Variants in LHCGR observed in about 807,000 individuals in gnomAD.
The protein encoded by LHCGR is lutropin-choriogonadotropic hormone receptor.
LHCGR carries 55 observed loss-of-function variants against 60.7 expected under a neutral mutation model. The observed-to-expected ratio is 0.91, with a 90% confidence interval of 0.73 to 1.13. The LOEUF (loss-of-function observed/expected upper bound fraction) is 1.13. LHCGR is among the 50% of genes most tolerant of loss of function. The pLI is 0.00. For synonymous variants in LHCGR, 337 were observed against 316.5 expected (o/e 1.06, Z -0.69); for missense variants, 862 against 836.0 (o/e 1.03, Z -0.38).
intron 9 of LHCGR, 63 bp from the exon 10 acceptor site, chr2:48,694,367 G>T: frequency 2.1e-6 from 2 of 973,328 alleles, no homozygotes; most frequent in Non-Finnish European, 3.2e-6. Context: ...ACCTGACTGT[G>T]CGTCTATTTA....
At chr2:48,727,292 G>T (rs1486939816) in intron 3 of LHCGR, among the ~76,000 whole-genome samples, 2 of 152,074 alleles carry the variant, frequency 1.3e-5, no homozygotes, top group African/African-American at 4.8e-5. Flanking sequence ...TTTAATAAAA[G>T]AATTTTGGGG....
chr2:48,722,875 C>T (rs893705357), intron 6 of LHCGR, among the ~76,000 whole-genome samples: 1 of 152,122 alleles, frequency 6.6e-6, no homozygotes, highest in Non-Finnish European at 1.5e-5. Context: ...CCTTAGGAAA[C>T]ACCATGAAAG....
Position 48,736,400 on chromosome 2 carries a change from A to G in LHCGR, c.162-5102T>C, listed in dbSNP as rs1282642207. Among the ~76,000 whole-genome samples, 3 of 152,252 alleles carry G rather than the reference A, an allele frequency of 2.0e-5. No individual in the cohort carries two copies. In the East Asian group the frequency reaches 5.8e-4, roughly 29 times the overall value. On this transcript the variant is annotated intron_variant, in intron 1 of 10. Transcript: ENST00000294954. ...TTGATCCCCTTCCCAGCCAAATCCA[A>G]TTGCCAAGCACTCAGTGCAGCTGTG...
At chr2:48,719,060 C>T (rs1050025478) in intron 6 of LHCGR, among the ~76,000 whole-genome samples, 1 of 152,172 alleles carries the variant, frequency 6.6e-6, no homozygotes, top group Admixed American at 6.5e-5. Context: ...TGGTGGCTCA[C>T]GCCTGTAATC....
chr2:48,733,066 G>A, intron 1 of LHCGR: 1 of 471,150 alleles, frequency 2.1e-6, no homozygotes. Context: ...ATTGCTCTCT[G>A]CACTGCCAAA....
rs1680049003 is a variant in LHCGR at position 48,688,904 on chromosome 2, T to A, written c.948-55A>T. The A allele has an allele frequency of 1.3e-6, 2 of 1,522,682 alleles. No homozygotes were observed. Among genetic ancestry groups the A allele is most frequent in the Non-Finnish European group, 1.8e-6 (2 of 1,100,506 alleles). 94.3% of individuals were successfully genotyped at this position (1,522,682 alleles called of 1,614,324 possible). On this transcript the variant is annotated intron_variant, in intron 10 of 10. Transcript: ENST00000294954. This position sits in a 1 kb window ranked among gnomAD's most constrained non-coding sequence, Gnocchi z 5.2. The stretch of plus-strand genomic sequence containing the variant: ...GGGATTTTCTCTGAGTATTAAAAAA[T>A]TCAAGAATTATGTTTCTTTAAAGGC...
chr2:48,723,466 A>G lies in LHCGR; in HGVS notation c.526T>C (p.Ser176Pro), dbSNP rs201392798. Residue 176 changes from serine to proline, a missense_variant, in exon 6 of 11, where the codon TCT becomes CCT. Coordinates refer to ENST00000294954, the MANE Select transcript of LHCGR (RefSeq NM_000233.4). ...GNAFQGMNNE[S>P]VTLKLYGNGF... ...TGGGAGTTTACTCACAGTGTTACAG[A>G]TTCATTATTCATCCCTTGAAAAGCA... is the stretch of plus-strand genomic sequence containing the variant. 2.1e-5 allele frequency: 33 copies of G among 1,608,224 alleles called. No individual in the cohort carries two copies. Among genetic ancestry groups the G allele is most frequent in the South Asian group, 5.5e-5 (5 of 90,942 alleles).
At chr2:48,701,839 ATGAAC>A (rs1471002777) in intron 8 of LHCGR, among the ~76,000 whole-genome samples, 3 of 152,232 alleles carry the variant, frequency 2.0e-5, no homozygotes, top group African/African-American at 7.2e-5. Context: ...AAACAAACAA[ATGAAC>A]TGGGTTACCC....
At chr2:48,747,645 G>A (rs760191597) in intron 1 of LHCGR, among the ~76,000 whole-genome samples, 3 of 152,166 alleles carry the variant, frequency 2.0e-5, no homozygotes, top group Non-Finnish European at 4.4e-5. Context: ...GAGAGGAGTC[G>A]TTTTTGGAAC....
At chr2:48,691,615 G>T (rs946905078) in intron 10 of LHCGR, among the ~76,000 whole-genome samples, 11 of 152,162 alleles carry the variant, frequency 7.2e-5, no homozygotes, top group Non-Finnish European at 1.5e-4. Flanking sequence ...GGAGGCTGAG[G>T]CTGGCAGATC....
intron 1 of LHCGR, among the ~76,000 whole-genome samples, chr2:48,746,709 GT>G (rs1387272432): frequency 6.6e-6 from 1 of 152,210 alleles, no homozygotes; most frequent in Non-Finnish European, 1.5e-5. Context: ...GAGGAAAATG[GT>G]AAGTATATCT....
At chr2:48,741,084 G>T (rs1669429265) in intron 1 of LHCGR, among the ~76,000 whole-genome samples, 1 of 152,100 alleles carries the variant, frequency 6.6e-6, no homozygotes. Flanking sequence ...TGGAAGAAAG[G>T]GTATCAGCGA....
chr2:48,729,239 AG>A lies in LHCGR; in HGVS notation c.234-13del, dbSNP rs1390213130. The A allele has an allele frequency of 1.9e-6, 3 of 1,584,656 alleles. No homozygotes were observed. Among genetic ancestry groups the A allele is most frequent in the Non-Finnish European group, 2.6e-6 (3 of 1,156,660 alleles). ...TCTGAGAGATTTCACTAGGGAAGAGAGGAGGGGGAAAAAGAGAAAGAAACAT... is the reference window on the plus strand; with the variant it reads ...TCTGAGAGATTTCACTAGGGAAGAGAGAGGGGGAAAAAGAGAAAGAAACAT... On this transcript the variant is annotated splice_polypyrimidine_tract_variant and intron_variant, in intron 2 of 10. Coordinates refer to ENST00000294954, the MANE Select transcript of LHCGR (RefSeq NM_000233.4).
rs1680006482 is a variant in LHCGR, at chr2:48,688,242, C to A, written c.1555G>T (p.Val519Leu). 1 of 1,614,030 alleles carries A rather than the reference C, an allele frequency of 6.2e-7. No individual in the cohort carries two copies. Among genetic ancestry groups the A allele is most frequent in the South Asian group, 1.1e-5 (1 of 91,092 alleles). ...MKVSICFPMD[V>L]ETTLSQVYIL... ...TAGACTTGTGAGAGAGTGGTTTCCA[C>A]ATCCATGGGGAAGCAAATACTGACC... Residue 519 changes from valine to leucine, a missense_variant, in exon 11 of 11, where the codon GTG becomes TTG. Coordinates refer to ENST00000294954, the MANE Select transcript of LHCGR (RefSeq NM_000233.4). The surrounding 1 kb of genome is among the most constrained non-coding windows in gnomAD (Gnocchi z 5.2).
chr2:48,696,536 T>C (rs1572821890), intron 9 of LHCGR, among the ~76,000 whole-genome samples: 1 of 152,152 alleles, frequency 6.6e-6, no homozygotes, highest in African/African-American at 2.4e-5. Context: ...AAAACATGAA[T>C]GTATAGCTCA....
intron 1 of LHCGR, among the ~76,000 whole-genome samples, chr2:48,749,305 C>T (rs2103732638): frequency 6.6e-6 from 1 of 152,252 alleles, no homozygotes; most frequent in South Asian, 2.1e-4. Context: ...GTCAGAAAGC[C>T]CACCTGCCTG....
chr2:48,735,517 T>C lies in LHCGR; in HGVS notation c.162-4219A>G, dbSNP rs144761807. ...CTCAATCACCAGATCCTGATCCCTG[T>C]ATCTCTACCCCTTAGGGAACACTGC... On this transcript the variant is annotated intron_variant, in intron 1 of 10. Coordinates refer to ENST00000294954, the MANE Select transcript of LHCGR (RefSeq NM_000233.4). Among the ~76,000 whole-genome samples, 4 of 152,354 alleles carry C rather than the reference T, an allele frequency of 2.6e-5. No individual in the cohort carries two copies. The East Asian group carries it at 5.8e-4, about 22-fold the overall frequency.
intron 9 of LHCGR, among the ~76,000 whole-genome samples, chr2:48,698,013 C>A (rs551323479): frequency 6.6e-6 from 1 of 152,114 alleles, no homozygotes; most frequent in African/African-American, 2.4e-5. Flanking sequence ...GAGGAAAGAA[C>A]GAAATTCTGC....
intron 1 of LHCGR, among the ~76,000 whole-genome samples, chr2:48,743,472 G>A (rs1399835056): frequency 2.6e-5 from 4 of 152,110 alleles, no homozygotes; most frequent in Non-Finnish European, 4.4e-5. Context: ...GAATCCAGCA[G>A]CACATCAAAA....
Sources: allele counts gnomAD v4.1 joint callset (sites outside exome capture counted in the v4.1 genomes callset), GRCh38; gene constraint gnomAD v4.1.1; non-coding constraint Gnocchi (gnomAD v3.1); transcripts MANE v1.5; gene names NCBI Gene and HGNC (gene_info 2026-07-23, HGNC 2026-07-21).